Variants in ATAD3B observed in about 807,000 individuals in gnomAD.
ATAD3B encodes ATPase family AAA domain-containing protein 3B.
In ATAD3B, 59 loss-of-function variants were observed where a neutral mutation model predicts 70.2. The ratio of observed to expected loss-of-function variants is 0.84; its 90% CI spans 0.68 to 1.04. The LOEUF is 1.04. Among genes scored for constraint, ATAD3B ranks in the 50% least tolerant of loss-of-function variants. The pLI, the probability that ATAD3B is intolerant of heterozygous loss-of-function variation, is 0.00. For missense variants in ATAD3B, 961 were observed against 913.4 expected (o/e 1.05, Z -0.67); for synonymous variants, 423 against 388.6 (o/e 1.09, Z -1.04).
At chr1:1,491,308 G>A (rs552066774) in intron 15 of ATAD3B, among the ~76,000 whole-genome samples, 1 of 152,082 alleles carries the variant, frequency 6.6e-6, no homozygotes, top group East Asian at 1.9e-4. Context: ...GGCTGAGGCA[G>A]GCATATCACG....
Position 1,489,221 on chromosome 1 carries a change from C to A in ATAD3B, c.1284C>A (p.Asp428Glu). 1.2e-6 allele frequency: 2 copies of A among 1,613,568 alleles called. 1 individual carries two copies. ...CTCTGCAGGAGGAGATAAGCAAGGA[C>A]CTCAGAGCCACACTGAACGCCTTCC... Reference protein sequence around the residue: ...RKRATEEISKDLRATLNAFLY... With the variant: ...RKRATEEISKELRATLNAFLY... The change falls in exon 13 of 16, where the codon GAC becomes GAA. Residue 428 changes from aspartate (D) to glutamate (E), a missense_variant. Asp to Glu is a conservative substitution (Grantham distance 45, BLOSUM62 2). Around this residue, in one of 4 missense-constraint regions of ATAD3B, gnomAD observed 417 missense variants for 335.0 expected, o/e 1.24. Transcript: ENST00000673477.
intron 1 of ATAD3B, among the ~76,000 whole-genome samples, chr1:1,472,947 CGAGTAGCT>C (rs1557788331): frequency 6.6e-6 from 1 of 151,460 alleles, no homozygotes; most frequent in Non-Finnish European, 1.5e-5. Context: ...CGCAGCCTCT[CGAGTAGCT>C]GGGATTACAG....
chr1:1,478,334 C>T lies in ATAD3B; in HGVS notation c.283-310C>T, dbSNP rs564234992. The T allele has an allele frequency of 3.3e-4, 404 of 1,226,296 alleles. 7 individuals carry two copies. The South Asian group carries it at 6.0e-3, about 18-fold the overall frequency. The allele number at this position is 1,226,296 out of a possible 1,614,324, so 76.0% of individuals were successfully genotyped here. ...TTCCTAGAATGGGCACGAGCTCTGC[C>T]CTCATCACAGTCCAAAAGTGAGCAC... On this transcript the variant is annotated intron_variant, in intron 2 of 15. Transcript: ENST00000673477.
At chr1:1,500,604 A>AAC (rs1553122034), downstream of ATAD3B, among the ~76,000 whole-genome samples, 4 of 148,848 alleles carry the variant, frequency 2.7e-5, no homozygotes, top group African/African-American at 9.8e-5. Context: ...CATTCAGTCT[A>AAC]ATATATATAT....
chr1:1,478,133 A>C (rs1639694362), intron 2 of ATAD3B: 2 of 227,654 alleles, frequency 8.8e-6, no homozygotes, highest in Non-Finnish European at 1.8e-5. Flanking sequence ...AGCAGCTGGG[A>C]CTACAGGAGC....
At chr1:1,493,360 A>T (rs1468748101) in intron 15 of ATAD3B, among the ~76,000 whole-genome samples, 2 of 151,950 alleles carry the variant, frequency 1.3e-5, no homozygotes, top group Non-Finnish European at 2.9e-5. Flanking sequence ...TGAGTATGTT[A>T]GCTGTGGACT....
intron 1 of ATAD3B, among the ~76,000 whole-genome samples, chr1:1,476,384 T>C (rs1188760762): frequency 6.6e-6 from 1 of 150,772 alleles, no homozygotes; most frequent in East Asian, 2.0e-4. Context: ...TAGTGACGTG[T>C]TTGCTGCAGT....
downstream of ATAD3B, among the ~76,000 whole-genome samples, chr1:1,501,329 A>G (rs1640941694): frequency 6.6e-6 from 1 of 151,056 alleles, no homozygotes; most frequent in Non-Finnish European, 1.5e-5. Flanking sequence ...ATCTCGGCTC[A>G]CTGCAAGCTC....
chr1:1,502,808 G>A (rs555081428), downstream of ATAD3B, among the ~76,000 whole-genome samples: 15 of 149,796 alleles, frequency 1.0e-4, no homozygotes, highest in South Asian at 2.2e-4. Context: ...CACCGCACCC[G>A]GCCTACACTG....
downstream of ATAD3B, among the ~76,000 whole-genome samples, chr1:1,501,251 A>C (rs1372403340): frequency 3.7e-5 from 5 of 135,378 alleles, no homozygotes; most frequent in Admixed American, 7.3e-5. Flanking sequence ...ACGCCCAGCT[A>C]ATTTTTGTAT....
At chr1:1,494,978 C>G (rs1424267843) in intron 15 of ATAD3B, among the ~76,000 whole-genome samples, 2 of 152,068 alleles carry the variant, frequency 1.3e-5, no homozygotes, top group Non-Finnish European at 2.9e-5. Context: ...CCCAGTAGCT[C>G]CAGCCTCCGT....
At chr1:1,486,486 A>G in intron 10 of ATAD3B, 58 bp from the exon 11 acceptor site, 4 of 1,610,840 alleles carry the variant, frequency 2.5e-6, no homozygotes, top group Non-Finnish European at 2.5e-6. Context: ...TGGAGTGTGC[A>G]GGCTTTGCAG....
Position 1,495,825 on chromosome 1 carries a change from C to G in ATAD3B, c.*8C>G, listed in dbSNP as rs1311297395. 5 of 1,546,888 alleles carry G rather than the reference C, an allele frequency of 3.2e-6. No individual in the cohort carries two copies. The African/African-American group carries it at 4.1e-5, about 13-fold the overall frequency. Reference sequence around the variant, plus strand: ...GGGCACCCCCTGTTGTAGGCACTGGCTAGGGAGGGGCAGGCCTCCTTCCTG... The same window carrying G: ...GGGCACCCCCTGTTGTAGGCACTGGGTAGGGAGGGGCAGGCCTCCTTCCTG... On this transcript the variant is annotated 3_prime_UTR_variant, in exon 16 of 16. Transcript: ENST00000673477.
At chr1:1,474,752 C>T (rs975746805) in intron 1 of ATAD3B, among the ~76,000 whole-genome samples, 8 of 152,048 alleles carry the variant, frequency 5.3e-5, no homozygotes, top group Admixed American at 1.3e-4. Flanking sequence ...TCGCCCACCT[C>T]GGCCTCCCAA....
the ATAD3B span, chr1:1,509,261 C>T: frequency 7.2e-5 from 116 of 1,612,782 alleles, 2 homozygotes; most frequent in African/African-American, 4.0e-4. Flanking sequence ...TGGACACCCG[C>T]GTGCAAGATG....
intron 11 of ATAD3B, among the ~76,000 whole-genome samples, chr1:1,487,137 G>T (rs1224442421): frequency 2.6e-5 from 4 of 152,116 alleles, no homozygotes; most frequent in African/African-American, 9.7e-5. Context: ...TGTCCTCGTT[G>T]GAACCACGAT....
rs755073019 is a variant in ATAD3B, at chr1:1,471,989, C to T, written c.105C>T (p.Arg35=). Residue 35 remains arginine (R), a synonymous_variant, in exon 1 of 16, where the codon CGC becomes CGT. Transcript: ENST00000673477. ...CCGGGGCCGAGGGCGGCGGGGACCG[C>T]GGTTTGGGAGACCGGCCGGCGCCCA... ...AQPGAEGGGD[R]GLGDRPAPKD... 2.0e-5 allele frequency: 25 copies of T among 1,241,734 alleles called. No individual in the cohort carries two copies. The Admixed American group carries it at 4.3e-4, about 21-fold the overall frequency. The allele number at this position is 1,241,734 out of a possible 1,614,324, so 76.9% of individuals were successfully genotyped here. A position where few individuals can be genotyped will look rare whatever the true frequency, so the allele number is the denominator to read the frequency against.
In ATAD3B at chr1:1,497,029, G is replaced by A. The variant is rs1399279818; in HGVS notation, c.*1212G>A. ...ATTGGTCGATGAAACAATGCTTTCT[G>A]AACTTTGTGTCCTTAGGAAGGGTGT... On this transcript the variant is annotated 3_prime_UTR_variant, in exon 16 of 16. Coordinates refer to ENST00000673477, the MANE Select transcript of ATAD3B (RefSeq NM_031921.6). 1 of 148,800 alleles carries A rather than the reference G, an allele frequency of 6.7e-6. No homozygotes were observed. Among genetic ancestry groups the A allele is most frequent in the Non-Finnish European group, 1.5e-5 (1 of 67,662 alleles). The allele number at this position is 148,800 out of a possible 1,614,324, so 9.2% of individuals were successfully genotyped here.
the ATAD3B span, among the ~76,000 whole-genome samples, chr1:1,506,353 T>C: frequency 5.3e-5 from 8 of 152,140 alleles, no homozygotes; most frequent in Non-Finnish European, 1.0e-4. Flanking sequence ...TTACAGGGAT[T>C]GCATCCAGTC....
Sources: allele counts gnomAD v4.1 joint callset (sites outside exome capture counted in the v4.1 genomes callset), GRCh38; gene constraint gnomAD v4.1.1; regional missense constraint gnomAD v4.1.1; transcripts MANE v1.5; gene names NCBI Gene and HGNC (gene_info 2026-07-23, HGNC 2026-07-21).